Variants in CDH13 observed in about 807,000 individuals in gnomAD.
CDH13 encodes the protein cadherin 13.
Under a neutral mutation model 63.8 loss-of-function variants are expected in CDH13, and 24 were observed. The ratio of observed to expected loss-of-function variants is 0.38; its 90% CI spans 0.27 to 0.53. CDH13 has a LOEUF of 0.53. CDH13 is among the 20% of genes least tolerant of loss of function. The pLI, the probability that CDH13 is intolerant of heterozygous loss-of-function variation, is 0.85. For missense variants in CDH13, 1,049 were observed against 903.1 expected, an observed-to-expected ratio of 1.16 and a Z score of -2.07; for synonymous variants, 503 against 355.3, an observed-to-expected ratio of 1.42 and a Z score of -4.67.
intron 1 of CDH13, among the ~76,000 whole-genome samples, chr16:82,791,080 A>T (rs2036273765): frequency 6.6e-6 from 1 of 152,146 alleles, no homozygotes; most frequent in African/African-American, 2.4e-5. Flanking sequence ...TACTAAAAAT[A>T]CTAAATATTA....
intron 1 of CDH13, chr16:82,688,801 C>G (rs1446771511): frequency 6.6e-6 from 1 of 152,048 alleles, no homozygotes; most frequent in Non-Finnish European, 1.5e-5. Context: ...AATGGAGAGG[C>G]CTGGGTTGGT....
intron 3 of CDH13, among the ~76,000 whole-genome samples, chr16:83,045,663 G>A (rs1166515197): frequency 1.5e-5 from 2 of 134,944 alleles, no homozygotes; most frequent in Admixed American, 7.1e-5. Context: ...AAAAAAAGAT[G>A]GGTCTGCATT....
At chr16:82,706,385 C>A (rs952653610) in intron 1 of CDH13, among the ~76,000 whole-genome samples, 1 of 152,108 alleles carries the variant, frequency 6.6e-6, no homozygotes, top group Non-Finnish European at 1.5e-5. Context: ...GGAGAATTAT[C>A]TGCATATAAG....
intron 2 of CDH13, among the ~76,000 whole-genome samples, chr16:82,862,911 C>G (rs932512673): frequency 6.6e-6 from 1 of 152,162 alleles, no homozygotes; most frequent in Non-Finnish European, 1.5e-5. Flanking sequence ...TAGCTTCCAG[C>G]TTTTATCACT....
intron 7 of CDH13, among the ~76,000 whole-genome samples, chr16:83,587,429 G>A (rs1280975005): frequency 6.6e-6 from 1 of 152,162 alleles, no homozygotes; most frequent in Non-Finnish European, 1.5e-5. Flanking sequence ...GAGCTCCTGT[G>A]CTTCTGTCAC....
intron 3 of CDH13, among the ~76,000 whole-genome samples, chr16:83,043,888 T>C (rs1917552122): frequency 6.6e-6 from 1 of 152,180 alleles, no homozygotes; most frequent in African/African-American, 2.4e-5. Flanking sequence ...TACATTCTTC[T>C]TTTCATATTA....
intron 8 of CDH13, among the ~76,000 whole-genome samples, chr16:83,622,433 C>G (rs1308459122): frequency 6.6e-6 from 1 of 152,172 alleles, no homozygotes; most frequent in African/African-American, 2.4e-5. Flanking sequence ...ACGAGAAAGT[C>G]AAAAAACCTA....
At chr16:83,379,311 G>C (rs915447714) in intron 6 of CDH13, among the ~76,000 whole-genome samples, 2 of 152,166 alleles carry the variant, frequency 1.3e-5, no homozygotes, top group African/African-American at 4.8e-5. Flanking sequence ...ACTGTCCTGG[G>C]TGCTGTTGAC....
chr16:83,230,459 G>A (rs1404835732), intron 5 of CDH13, among the ~76,000 whole-genome samples: 1 of 152,118 alleles, frequency 6.6e-6, no homozygotes. Flanking sequence ...CAAGCCTCTT[G>A]ACTCCCTATT....
At chr16:83,197,667 G>A (rs1409433815) in intron 4 of CDH13, among the ~76,000 whole-genome samples, 2 of 152,120 alleles carry the variant, frequency 1.3e-5, no homozygotes, top group African/African-American at 2.4e-5. Context: ...ATGACAACAC[G>A]AAGGATCCCA....
At chr16:83,386,500 A>T (rs1193539257) in intron 6 of CDH13, among the ~76,000 whole-genome samples, 1 of 152,208 alleles carries the variant, frequency 6.6e-6, no homozygotes, top group Non-Finnish European at 1.5e-5. Flanking sequence ...AGCCATATAT[A>T]AAAGAGGTGT....
In CDH13 at chr16:82,960,914, A is replaced by G. The variant is rs182869616; in HGVS notation, c.158-71096A>G. 4.5e-4 allele frequency among the ~76,000 whole-genome samples: 69 copies of G among 152,288 alleles called. No individual in the cohort carries two copies. In the East Asian group the frequency reaches 8.5e-3, roughly 19 times the overall value. ...CTTTTTTAGTACACGTTTCTGTTTT[A>G]TACTGTGATTTGGAGGGGTAAAAAG... On this transcript the variant is annotated intron_variant, in intron 2 of 13. Transcript: ENST00000567109.
In CDH13 at chr16:83,053,025, G is replaced by C. The variant is rs145759620; in HGVS notation, c.366+20807G>C. Among the ~76,000 whole-genome samples, 232 of 152,136 alleles carry C rather than the reference G, an allele frequency of 1.5e-3. 2 individuals carry two copies. The highest frequency in any genetic ancestry group is 0.014 in the Middle Eastern group (4 of 294). The stretch of plus-strand genomic sequence containing the variant: ...TTGTGGTTTGGGACACATTCTTTTC[G>C]AAGGCCTAACTTTTTCTGTTGGTGA... On this transcript the variant is annotated intron_variant, in intron 3 of 13. Coordinates refer to ENST00000567109, the MANE Select transcript of CDH13 (RefSeq NM_001257.5).
At chr16:83,020,621 T>C (rs1411462299) in intron 2 of CDH13, among the ~76,000 whole-genome samples, 2 of 152,170 alleles carry the variant, frequency 1.3e-5, no homozygotes, top group Non-Finnish European at 1.5e-5. Context: ...AATCTTTGAG[T>C]TGTGTATGTA....
chr16:82,828,985 C>G (rs2038394849), intron 1 of CDH13, among the ~76,000 whole-genome samples: 1 of 152,008 alleles, frequency 6.6e-6, no homozygotes, highest in Non-Finnish European at 1.5e-5. Context: ...ACAGTGAACA[C>G]AAGATTAGAT....
chr16:83,731,075 C>A (rs2150951339), intron 10 of CDH13, among the ~76,000 whole-genome samples: 1 of 152,332 alleles, frequency 6.6e-6, no homozygotes, highest in Non-Finnish European at 1.5e-5. Context: ...TGATGAGCAC[C>A]TGGATTGGTT....
chr16:83,091,075 CTG>C, intron 3 of CDH13, among the ~76,000 whole-genome samples: 1 of 152,190 alleles, frequency 6.6e-6, no homozygotes, highest in South Asian at 2.1e-4. Context: ...TTTTTAAAGA[CTG>C]TACAATATTT....
intron 2 of CDH13, among the ~76,000 whole-genome samples, chr16:82,957,856 G>A (rs1037949201): frequency 5.3e-5 from 8 of 152,164 alleles, no homozygotes; most frequent in African/African-American, 1.9e-4. Flanking sequence ...TTTCTGCTAT[G>A]ACCAGTTATT....
chr16:83,356,777 T>C (rs1367278462), intron 6 of CDH13, among the ~76,000 whole-genome samples: 1 of 152,214 alleles, frequency 6.6e-6, no homozygotes, highest in African/African-American at 2.4e-5. Context: ...TTATAAAATA[T>C]AGGTCATGAA....
Sources: gnomAD v4.1 joint callset for allele counts (sites outside exome capture counted in the v4.1 genomes callset) on GRCh38, gnomAD v4.1.1 for gene constraint, MANE v1.5 for transcripts, NCBI Gene and HGNC (gene_info 2026-07-23, HGNC 2026-07-21) for gene names.